Variants in BICD1 observed in about 807,000 individuals in gnomAD.
BICD1 encodes the protein BICD cargo adaptor 1, also known as protein bicaudal D homolog 1.
BICD1 carries 35 observed loss-of-function variants against 92.5 expected under a neutral mutation model. The observed-to-expected ratio is 0.38, with a 90% CI of 0.29 to 0.50. The LOEUF is 0.50. BICD1 is among the 20% of genes least tolerant of loss of function. The pLI, the probability that BICD1 is intolerant of heterozygous loss-of-function variation, is 0.93. For synonymous variants in BICD1, 429 were observed against 465.1 expected (o/e 0.92, Z 1.00); for missense variants, 950 against 1,189.8 (o/e 0.80, Z 2.97).
chr12:32,342,183 T>A (rs1450753328), intron 8 of BICD1, among the ~76,000 whole-genome samples: 1 of 125,218 alleles, frequency 8.0e-6, no homozygotes, highest in Non-Finnish European at 1.6e-5. Context: ...TATATGTGTG[T>A]ATATATATAT....
chr12:32,338,844 C>T lies in BICD1; in HGVS notation c.2629C>T (p.Leu877=). The T allele has an allele frequency of 2.5e-6, 4 of 1,605,286 alleles. No homozygotes were observed. The highest frequency in any genetic ancestry group is 1.7e-4 in the Middle Eastern group (1 of 6,048). ...SRPRTSGASY[L]QNLLRVPPDP... is the part of the protein sequence containing the mutation. The stretch of plus-strand genomic sequence containing the variant: ...TCCCAGGACTTCAGGGGCTTCCTAC[C>T]TACAGAATTTATTAAGAGTTCCCCC... Residue 877 remains leucine (L), a synonymous_variant, in exon 8 of 10, where the codon CTA becomes TTA. Coordinates refer to ENST00000652176, the MANE Select transcript of BICD1 (RefSeq NM_001714.4).
intron 1 of BICD1, among the ~76,000 whole-genome samples, chr12:32,186,139 A>G (rs1000137770): frequency 2.0e-5 from 3 of 152,170 alleles, no homozygotes; most frequent in African/African-American, 7.2e-5. Context: ...ACTTTTTTGT[A>G]TTAAAACACT....
chr12:32,199,127 A>C (rs1026480101), intron 1 of BICD1, among the ~76,000 whole-genome samples: 7 of 152,230 alleles, frequency 4.6e-5, no homozygotes, highest in African/African-American at 1.7e-4. Context: ...TATGAGTGAG[A>C]ATACAACTTA....
rs115010901 is a variant in BICD1 at position 32,271,588 on chromosome 12, G to A, written c.427-22406G>A. 2.9e-3 allele frequency among the ~76,000 whole-genome samples: 436 copies of A among 152,232 alleles called. 4 individuals carry two copies. Among genetic ancestry groups the A allele is most frequent in the African/African-American group, 0.01 (417 of 41,536 alleles). ...AGGAATCACTGCCTAAAACCAGTCA[G>A]ATTGCTGCGACTGTGCACTAACCTT... On this transcript the variant is annotated intron_variant, in intron 2 of 9. Transcript: ENST00000652176.
At chr12:32,270,978 GGAA>G (rs1947123870) in intron 2 of BICD1, among the ~76,000 whole-genome samples, 1 of 152,138 alleles carries the variant, frequency 6.6e-6, no homozygotes, top group Non-Finnish European at 1.5e-5. Flanking sequence ...CTGGCCAGCC[GGAA>G]GCCACCATGC....
At chr12:32,140,255 C>G (rs1942869412) in intron 1 of BICD1, among the ~76,000 whole-genome samples, 1 of 152,104 alleles carries the variant, frequency 6.6e-6, no homozygotes, top group South Asian at 2.1e-4. Context: ...TGAATTATTT[C>G]TTGAGATTAT....
chr12:32,235,076 T>A (rs1382853931), intron 2 of BICD1, among the ~76,000 whole-genome samples: 1 of 152,172 alleles, frequency 6.6e-6, no homozygotes, highest in Admixed American at 6.6e-5. Flanking sequence ...TGTTTCCTGA[T>A]AGGCTTGGCA....
intron 1 of BICD1, among the ~76,000 whole-genome samples, chr12:32,204,947 C>T (rs750817271): frequency 1.3e-5 from 2 of 152,084 alleles, no homozygotes; most frequent in Non-Finnish European, 2.9e-5. Flanking sequence ...GTTGCTGTAA[C>T]AAAAAGCAGA....
intron 1 of BICD1, among the ~76,000 whole-genome samples, chr12:32,180,596 A>G (rs1356292802): frequency 2.0e-5 from 3 of 151,828 alleles, no homozygotes; most frequent in Non-Finnish European, 4.4e-5. Flanking sequence ...TAAAGAGTCT[A>G]AAATAAGCCT....
intron 4 of BICD1, 108 bp from the exon 5 acceptor site, chr12:32,327,353 G>T: frequency 7.7e-7 from 1 of 1,296,466 alleles, no homozygotes; most frequent in Non-Finnish European, 1.0e-6. Flanking sequence ...TGGGAACATT[G>T]GCTCTGCTGC....
At position 32,313,734 on chromosome 12, in the gene BICD1, G is replaced by A. The variant is rs1426103348; in HGVS notation, c.1005+7612G>A. Among the ~76,000 whole-genome samples, 3 of 152,264 alleles carry A rather than the reference G, an allele frequency of 2.0e-5. No homozygotes were observed. Among genetic ancestry groups the A allele is most frequent in the South Asian group, 4.1e-4 (2 of 4,824 alleles). On this transcript the variant is annotated intron_variant, in intron 4 of 9. Transcript: ENST00000652176. This position sits in a 1 kb window ranked among gnomAD's most constrained non-coding sequence, Gnocchi z 4.2. ...CTCATACCTGTAATCCCAGCACTTC[G>A]GAAGGCTGAGGCAGGAGGATAGCTT...
intron 2 of BICD1, among the ~76,000 whole-genome samples, chr12:32,236,453 C>T (rs1211067727): frequency 6.6e-6 from 1 of 152,104 alleles, no homozygotes; most frequent in Non-Finnish European, 1.5e-5. Context: ...TGTATGTGTT[C>T]TGAGTGCTCC....
intron 8 of BICD1, among the ~76,000 whole-genome samples, chr12:32,346,957 T>TC (rs1215190428): frequency 1.8e-4 from 27 of 150,192 alleles, no homozygotes; most frequent in Admixed American, 8.6e-4. Context: ...TCTTTTCTTT[T>TC]TTTTTTTTTT....
chr12:32,324,562 T>C (rs1948731804), intron 4 of BICD1, among the ~76,000 whole-genome samples: 1 of 98,304 alleles, frequency 1.0e-5, no homozygotes, highest in South Asian at 3.5e-4. Context: ...ACTACTGTAC[T>C]GTACTTTTCT....
intron 2 of BICD1, among the ~76,000 whole-genome samples, chr12:32,261,939 C>CA (rs1371457583): frequency 1.3e-5 from 2 of 152,108 alleles, no homozygotes; most frequent in East Asian, 3.9e-4. Context: ...TGGGAGCTCT[C>CA]AGAAATAATT....
At chr12:32,287,070 G>A (rs958486838) in intron 2 of BICD1, among the ~76,000 whole-genome samples, 5 of 152,134 alleles carry the variant, frequency 3.3e-5, no homozygotes, top group Admixed American at 6.5e-5. Context: ...CATCTGAAAT[G>A]AGACTTAAAT....
chr12:32,221,638 G>A (rs766079492), intron 2 of BICD1, among the ~76,000 whole-genome samples: 68 of 151,734 alleles, frequency 4.5e-4, no homozygotes, highest in African/African-American at 1.5e-3. Context: ...CCAAGATTGC[G>A]CCACTGTACT....
Position 32,379,124 on chromosome 12 carries a change from C to T in BICD1, c.*1497C>T, listed in dbSNP as rs2136351778. 1 of 152,278 alleles carries T rather than the reference C, an allele frequency of 6.6e-6. No individual in the cohort carries two copies. Among genetic ancestry groups the T allele is most frequent in the South Asian group, 2.1e-4 (1 of 4,818 alleles). 9.4% of individuals were successfully genotyped at this position (152,278 alleles called of 1,614,324 possible). ...TCATATAAAGACATCTGTAACTTCT[C>T]TTCAAAACAAAAATGACCCTCACTG... On this transcript the variant is annotated 3_prime_UTR_variant, in exon 10 of 10. Coordinates refer to ENST00000652176, the MANE Select transcript of BICD1 (RefSeq NM_001714.4).
intron 1 of BICD1, among the ~76,000 whole-genome samples, chr12:32,139,362 T>A (rs1942829849): frequency 6.6e-6 from 1 of 152,160 alleles, no homozygotes; most frequent in Non-Finnish European, 1.5e-5. Context: ...TTTGTGTGTG[T>A]GTGTTTGTGT....
Sources: allele counts gnomAD v4.1 joint callset (sites outside exome capture counted in the v4.1 genomes callset), GRCh38; gene constraint gnomAD v4.1.1; non-coding constraint Gnocchi (gnomAD v3.1); transcripts MANE v1.5; gene names NCBI Gene and HGNC (gene_info 2026-07-23, HGNC 2026-07-21).